CUX1: variants seen among roughly 807,000 people sequenced by gnomAD.
The protein encoded by CUX1 is protein CASP.
In CUX1, 31 loss-of-function variants were observed where a neutral mutation model predicts 158.8. That is an observed-to-expected ratio of 0.20 (90% CI 0.15 to 0.26). CUX1 has a LOEUF of 0.26. CUX1 is among the 10% of genes least tolerant of loss of function. The pLI is 1.00. For synonymous variants in CUX1, 879 were observed against 862.1 expected (o/e 1.02, Z -0.34); for missense variants, 1,589 against 2,014.6 (o/e 0.79, Z 4.04).
At chr7:102,154,715 A>G (rs1002201030) in intron 8 of CUX1, among the ~76,000 whole-genome samples, 6 of 152,242 alleles carry the variant, frequency 3.9e-5, no homozygotes, top group Non-Finnish European at 7.3e-5. Flanking sequence ...ATATAAAAGA[A>G]AAGTTAAATG....
intron 1 of CUX1, among the ~76,000 whole-genome samples, chr7:101,834,667 T>G (rs1794436657): frequency 6.6e-6 from 1 of 152,194 alleles, no homozygotes; most frequent in Admixed American, 6.5e-5. Context: ...CTCCGTCCCG[T>G]AACTTTTTTT....
intron 8 of CUX1, among the ~76,000 whole-genome samples, chr7:102,157,141 C>T (rs1431173488): frequency 6.6e-6 from 1 of 151,978 alleles, no homozygotes; most frequent in South Asian, 2.1e-4. Context: ...GAAAGAGTGG[C>T]GGGTAAGGCC....
chr7:101,979,997 A>C (rs1256673717), intron 2 of CUX1, among the ~76,000 whole-genome samples: 1 of 151,942 alleles, frequency 6.6e-6, no homozygotes, highest in Non-Finnish European at 1.5e-5. Flanking sequence ...CTTTGTTTCC[A>C]GCGCTGTGAG....
chr7:101,850,458 T>C (rs1352780698), intron 1 of CUX1, among the ~76,000 whole-genome samples: 3 of 149,576 alleles, frequency 2.0e-5, no homozygotes, highest in Non-Finnish European at 4.4e-5. Flanking sequence ...GGGTCTCTCT[T>C]TGTTGTCCAG....
intron 3 of CUX1, among the ~76,000 whole-genome samples, chr7:102,030,691 G>GTTTTTTTTTTTTTTTTTTTGTTTTTTGT (rs71119801): frequency 3.4e-4 from 41 of 119,394 alleles, no homozygotes; most frequent in Middle Eastern, 5.2e-3. Flanking sequence ...TTTAAAAAGT[G>GTTTTTTTTTTTTTTTTTTTGTTTTTTGT]TTTTTTTTTT....
chr7:102,097,588 G>A (rs1563237487), intron 5 of CUX1, 87 bp downstream of exon 5: 1 of 1,369,904 alleles, frequency 7.3e-7, no homozygotes, highest in Non-Finnish European at 9.8e-7. Context: ...ATACTTTTGA[G>A]ACCAGCTCTC....
At chr7:101,829,879 G>C (rs1793784907) in intron 1 of CUX1, among the ~76,000 whole-genome samples, 1 of 151,478 alleles carries the variant, frequency 6.6e-6, no homozygotes, top group Non-Finnish European at 1.5e-5. Flanking sequence ...GAGCCCCCCT[G>C]TTGCATTACT....
At chr7:102,172,774 A>G (rs886367089) in intron 10 of CUX1, among the ~76,000 whole-genome samples, 5 of 152,248 alleles carry the variant, frequency 3.3e-5, no homozygotes, top group African/African-American at 9.6e-5. Context: ...TAATTAAAAC[A>G]TTTGTTGCTG....
chr7:101,850,185 A>G (rs573549043), intron 1 of CUX1, among the ~76,000 whole-genome samples: 69 of 152,092 alleles, frequency 4.5e-4, no homozygotes, highest in African/African-American at 1.5e-3. Flanking sequence ...TGGCCTCCCA[A>G]AGTGCTGGGA....
At chr7:102,283,383 C>A in exon 23 of CUX1, 1 of 441,394 alleles carries the variant, frequency 2.3e-6, no homozygotes, top group Non-Finnish European at 4.2e-6. Context: ...ACCTCTAGCC[C>A]TGGTGGCAGA....
chr7:102,244,732 A>G (rs969844024), intron 23 of CUX1, among the ~76,000 whole-genome samples: 30 of 152,066 alleles, frequency 2.0e-4, no homozygotes, highest in African/African-American at 7.0e-4. Flanking sequence ...TTTACCCAGG[A>G]TTGATGACGA....
Position 102,200,178 on chromosome 7 carries a change from G to A in CUX1, c.2062+6G>A, listed in dbSNP as rs373456238. 1 of 1,603,040 alleles carries A rather than the reference G, an allele frequency of 6.2e-7. No homozygotes were observed. The highest frequency in any genetic ancestry group is 1.7e-5 in the Admixed American group (1 of 57,802). On this transcript the variant is annotated splice_donor_region_variant and intron_variant, in intron 17 of 23. Coordinates refer to ENST00000292535, the MANE Select transcript of CUX1 (RefSeq NM_181552.4). ...GCTCCAAGTGCAGAAAACTGGTACA[G>A]CTTCCATTTCTTCATCCACTGTCTT...
chr7:102,093,226 T>TAAA (rs10570840), intron 4 of CUX1, among the ~76,000 whole-genome samples: 1 of 139,658 alleles, frequency 7.2e-6, no homozygotes. Context: ...CCTATCTCTT[T>TAAA]AAAAAAAAAA....
Position 102,254,763 on chromosome 7 carries a change from G to C in CUX1, c.*5721G>C. 2.0e-6 allele frequency: 2 copies of C among 985,508 alleles called. No homozygotes were observed. The highest frequency in any genetic ancestry group is 2.4e-6 in the Non-Finnish European group (2 of 829,972). 61.0% of individuals were successfully genotyped at this position (985,508 alleles called of 1,614,324 possible). A position where few individuals can be genotyped will look rare whatever the true frequency, so the allele number is the denominator to read the frequency against. ...CTTGTGCCCTGAGTGGCGAGGTGGT[G>C]ACCTGAGGCCAGTGTGATGTGGTTG... is the stretch of plus-strand genomic sequence containing the variant. On this transcript the variant is annotated 3_prime_UTR_variant, in exon 24 of 24. Coordinates refer to ENST00000292535, the MANE Select transcript of CUX1 (RefSeq NM_181552.4).
intron 3 of CUX1, among the ~76,000 whole-genome samples, chr7:102,063,033 C>T (rs1455890204): frequency 6.6e-6 from 1 of 151,854 alleles, no homozygotes; most frequent in East Asian, 1.9e-4. Context: ...TGAACCTGGG[C>T]GGGGAGGTTG....
chr7:102,067,544 A>ATT (rs138642988), intron 3 of CUX1, among the ~76,000 whole-genome samples: 1 of 147,828 alleles, frequency 6.8e-6, no homozygotes, highest in African/African-American at 2.5e-5. Context: ...CCACAACTCT[A>ATT]TTTTTTTTTT....
chr7:101,886,498 G>C (rs536611291), intron 1 of CUX1, among the ~76,000 whole-genome samples: 2 of 152,200 alleles, frequency 1.3e-5, no homozygotes, highest in Non-Finnish European at 2.9e-5. Context: ...ACTATGCTCG[G>C]CCGGCACCCA....
chr7:102,248,809 G>A lies in CUX1; in HGVS notation c.4285G>A (p.Gly1429Arg), dbSNP rs1201083681. The change falls in exon 24 of 24, where the codon GGG becomes AGG. Residue 1429 changes from glycine to arginine, a missense_variant. By Grantham distance (125) the Gly-to-Arg change is moderately radical. Transcript: ENST00000292535. The surrounding 1 kb of genome is among the most constrained non-coding windows in gnomAD (Gnocchi z 5.8). ...CGCTACCTCAGCCGCCGCCGCGCCG[G>A]GGGAGGGCCCCGCGGCCCCGAGCTC... Reference protein sequence around the residue: ...DAATSAAAAPGEGPAAPSSAP... With the variant: ...DAATSAAAAPREGPAAPSSAP... 6.3e-6 allele frequency: 7 copies of A among 1,116,960 alleles called. No homozygotes were observed. The highest frequency in any genetic ancestry group is 1.0e-4 in the Admixed American group (2 of 19,548). 69.2% of individuals were successfully genotyped at this position (1,116,960 alleles called of 1,614,324 possible). A position where few individuals can be genotyped will look rare whatever the true frequency, so the allele number is the denominator to read the frequency against.
Position 102,249,911 on chromosome 7 carries a change from A to G in CUX1, c.*869A>G, listed in dbSNP as rs880001006. On this transcript the variant is annotated 3_prime_UTR_variant, in exon 24 of 24. Transcript: ENST00000292535. ...CATCAGGAAACTCTGATTTTGTGGTAGCTGACATAGTGTTTTCTTGTACGT... is the reference window on the plus strand; with the variant it reads ...CATCAGGAAACTCTGATTTTGTGGTGGCTGACATAGTGTTTTCTTGTACGT... 22 of 985,724 alleles carry G rather than the reference A, an allele frequency of 2.2e-5. No individual in the cohort carries two copies. Among genetic ancestry groups the G allele is most frequent in the Middle Eastern group, 5.2e-4 (1 of 1,936 alleles). The allele number at this position is 985,724 out of a possible 1,614,324, so 61.1% of individuals were successfully genotyped here.
Sources: allele counts gnomAD v4.1 joint callset (sites outside exome capture counted in the v4.1 genomes callset), GRCh38; gene constraint gnomAD v4.1.1; non-coding constraint Gnocchi (gnomAD v3.1); transcripts MANE v1.5; gene names NCBI Gene and HGNC (gene_info 2026-07-23, HGNC 2026-07-21).